ELOC: variants seen among roughly 807,000 people sequenced by gnomAD.
ELOC encodes the protein elongin C.
For synonymous variants in ELOC, 40 were observed against 51.3 expected (o/e 0.78, Z 0.94); for missense variants, 38 against 139.0 (o/e 0.27, Z 3.65).
intron 1 of ELOC, among the ~76,000 whole-genome samples, chr8:73,962,933 A>G (rs1236934373): frequency 6.6e-6 from 1 of 152,200 alleles, no homozygotes; most frequent in African/African-American, 2.4e-5. Flanking sequence ...CCAATCCATA[A>G]GTTATCTAAA....
intron 3 of ELOC, among the ~76,000 whole-genome samples, chr8:73,948,220 A>T (rs1471360678): frequency 6.6e-6 from 1 of 151,826 alleles, no homozygotes; most frequent in African/African-American, 2.4e-5. Context: ...AGTACTTGAG[A>T]TTCATCAAGA....
chr8:73,945,321 G>T lies in ELOC; in HGVS notation c.*1309C>A, dbSNP rs1183101112. On this transcript the variant is annotated 3_prime_UTR_variant, in exon 4 of 4. Transcript: ENST00000520242. Reference sequence around the variant, plus strand: ...TTTGGTAGAGATGGGGTTTTGCCATGGTGGCCAGGCTGGTCTCAAACTCCT... The same window carrying T: ...TTTGGTAGAGATGGGGTTTTGCCATTGTGGCCAGGCTGGTCTCAAACTCCT... The T allele has an allele frequency of 6.6e-6, 1 of 152,018 alleles. No homozygotes were observed. The highest frequency in any genetic ancestry group is 1.5e-5 in the Non-Finnish European group (1 of 68,076). The allele number at this position is 152,018 out of a possible 1,614,324, so 9.4% of individuals were successfully genotyped here.
chr8:73,970,865 A>AC (rs1563691301), intron 1 of ELOC, among the ~76,000 whole-genome samples: 1 of 113,808 alleles, frequency 8.8e-6, no homozygotes, highest in Non-Finnish European at 1.8e-5. Flanking sequence ...AAAACAAAAC[A>AC]AAACAAAAAA....
At chr8:73,967,468 CTT>C (rs201615321) in intron 1 of ELOC, among the ~76,000 whole-genome samples, 23 of 135,794 alleles carry the variant, frequency 1.7e-4, no homozygotes, top group Non-Finnish European at 1.4e-4. Context: ...ATTTTCTTTT[CTT>C]TTTTTTTTTT....
intron 3 of ELOC, among the ~76,000 whole-genome samples, chr8:73,955,035 GAAAAAAAAAA>G (rs34453392): frequency 3.2e-5 from 2 of 62,992 alleles, no homozygotes; most frequent in African/African-American, 6.6e-5. Flanking sequence ...CTCCATCTCG[GAAAAAAAAAA>G]AAAAAAAAAA....
chr8:73,948,672 G>A (rs1308600216), intron 3 of ELOC, among the ~76,000 whole-genome samples: 1 of 152,208 alleles, frequency 6.6e-6, no homozygotes, highest in Non-Finnish European at 1.5e-5. Flanking sequence ...TGAGCATGGT[G>A]GCTCATGCCT....
At chr8:73,958,452 C>A (rs985239266) in intron 2 of ELOC, among the ~76,000 whole-genome samples, 9 of 152,140 alleles carry the variant, frequency 5.9e-5, no homozygotes, top group African/African-American at 2.2e-4. Context: ...AACACACACA[C>A]ATACACACAC....
At position 73,946,272 on chromosome 8, in the gene ELOC, A is replaced by T; in HGVS notation, c.*358T>A. The T allele has an allele frequency of 6.0e-6, 1 of 165,938 alleles. No individual in the cohort carries two copies. The highest frequency in any genetic ancestry group is 1.3e-5 in the Non-Finnish European group (1 of 77,110). The allele number at this position is 165,938 out of a possible 1,614,324, so 10.3% of individuals were successfully genotyped here. The stretch of plus-strand genomic sequence containing the variant: ...TTAGGTTTCTAAAAAACCACTAAAA[A>T]CATAAAAATACTTAGCCTCATTATT... On this transcript the variant is annotated 3_prime_UTR_variant, in exon 4 of 4. Transcript: ENST00000520242.
chr8:73,949,575 C>A (rs1258953028), intron 3 of ELOC, among the ~76,000 whole-genome samples: 3 of 152,222 alleles, frequency 2.0e-5, no homozygotes, highest in Non-Finnish European at 4.4e-5. Context: ...ATCCCCCCAG[C>A]CTCTGGCAAA....
At chr8:73,964,956 A>G (rs1414001690) in intron 1 of ELOC, among the ~76,000 whole-genome samples, 2 of 143,292 alleles carry the variant, frequency 1.4e-5, no homozygotes. Flanking sequence ...GAGCCCGAGG[A>G]GGGTAAGGCT....
At chr8:73,960,147 A>C (rs1814493410) in intron 1 of ELOC, among the ~76,000 whole-genome samples, 2 of 152,334 alleles carry the variant, frequency 1.3e-5, no homozygotes, top group East Asian at 1.9e-4. Flanking sequence ...CAGACGTGTA[A>C]AAATGTTCAT....
At position 73,948,192 on chromosome 8, in the gene ELOC, CA is replaced by C. The variant is rs200295701; in HGVS notation, c.149-1373del. ...GGGCGACAAGAACGAAACTCCGTCT[CA>C]AAAAAAAAAAAAAGATAGTACTTGA... On this transcript the variant is annotated intron_variant, in intron 3 of 3. Coordinates refer to ENST00000520242, the MANE Select transcript of ELOC (RefSeq NM_005648.4). Among the ~76,000 whole-genome samples the C allele has an allele frequency of 6.0e-3, 769 of 127,880 alleles. 2 individuals are homozygous for C. The highest frequency in any genetic ancestry group is 0.018 in the African/African-American group (610 of 33,534). 83.9% of individuals were successfully genotyped at this position (127,880 alleles called of 152,430 possible). A position where few individuals can be genotyped will look rare whatever the true frequency, so the allele number is the denominator to read the frequency against.
intron 3 of ELOC, among the ~76,000 whole-genome samples, chr8:73,952,544 G>A (rs1813848295): frequency 6.6e-6 from 1 of 150,608 alleles, no homozygotes. Flanking sequence ...ACTTTGGGAG[G>A]CTGAGATGGG....
chr8:73,956,035 A>G lies in ELOC; in HGVS notation c.24T>C (p.Tyr8=). 1.2e-6 allele frequency: 2 copies of G among 1,613,334 alleles called. No homozygotes were observed. Among genetic ancestry groups the G allele is most frequent in the Non-Finnish European group, 1.7e-6 (2 of 1,179,454 alleles). MDGEEKT[Y]GGCEGPDAMY... is the part of the protein sequence containing the mutation. ...TGGCATCAGGTCCTTCACAGCCACCATAGGTTTTCTCCTCTCCATCTAAAG... is the reference window on the plus strand; with the variant it reads ...TGGCATCAGGTCCTTCACAGCCACCGTAGGTTTTCTCCTCTCCATCTAAAG... Residue 8 remains tyrosine, a synonymous_variant, in exon 3 of 4, where the codon TAT becomes TAC. Transcript: ENST00000520242.
intron 1 of ELOC, among the ~76,000 whole-genome samples, chr8:73,966,609 G>A (rs970662038): frequency 6.6e-6 from 1 of 150,932 alleles, no homozygotes; most frequent in African/African-American, 2.4e-5. Flanking sequence ...CCTTCTTCCT[G>A]AGTAGCCTGC....
chr8:73,968,795 A>T (rs1815165501), intron 1 of ELOC, among the ~76,000 whole-genome samples: 1 of 152,178 alleles, frequency 6.6e-6, no homozygotes, highest in Admixed American at 6.5e-5. Flanking sequence ...TTGGCCCACC[A>T]GTCCATTTTA....
intron 3 of ELOC, among the ~76,000 whole-genome samples, chr8:73,954,549 G>A (rs1814013211): frequency 6.6e-6 from 1 of 151,842 alleles, no homozygotes; most frequent in Admixed American, 6.6e-5. Context: ...AGACTTGGGA[G>A]GCTGAGGCAT....
At chr8:73,955,015 CAG>C (rs1467989088) in intron 3 of ELOC, among the ~76,000 whole-genome samples, 1 of 114,284 alleles carries the variant, frequency 8.8e-6, no homozygotes, top group Non-Finnish European at 1.6e-5. Flanking sequence ...GCCTGGGTGA[CAG>C]AGTGAGACTC....
intron 3 of ELOC, among the ~76,000 whole-genome samples, chr8:73,954,753 C>A (rs536015041): frequency 1.3e-5 from 2 of 149,994 alleles, no homozygotes; most frequent in Non-Finnish European, 3.0e-5. Context: ...GACTATGGGC[C>A]GGGCGCAGTG....
Sources: gnomAD v4.1 joint callset for allele counts (sites outside exome capture counted in the v4.1 genomes callset) on GRCh38, gnomAD v4.1.1 for gene constraint, MANE v1.5 for transcripts, NCBI Gene and HGNC (gene_info 2026-07-23, HGNC 2026-07-21) for gene names.